The following PHF2 variants were observed in gnomAD, a reference collection of about 807,000 sequenced individuals.
PHF2 encodes lysine-specific demethylase PHF2.
PHF2 carries 27 observed loss-of-function variants against 120.5 expected under a neutral mutation model. The observed-to-expected ratio is 0.22, with a 90% CI of 0.17 to 0.31. The LOEUF (loss-of-function observed/expected upper bound fraction) is 0.31. Among genes scored for constraint, PHF2 ranks in the 10% least tolerant of loss-of-function variants. The probability of loss-of-function intolerance (pLI) is 1.00; values close to 1 mark genes in which losing one functional copy is unlikely to be tolerated. For synonymous variants in PHF2, 568 were observed against 592.5 expected (o/e 0.96, Z 0.60); for missense variants, 1,024 against 1,434.8 (o/e 0.71, Z 4.63).
rs754375941 is a variant in PHF2, at chr9:93,653,250, A to G, written c.674A>G (p.Asp225Gly). 1 of 1,614,134 alleles carries G rather than the reference A, an allele frequency of 6.2e-7. No homozygotes were observed. Among genetic ancestry groups the G allele is most frequent in the Admixed American group, 1.7e-5 (1 of 60,034 alleles). The change falls in exon 6 of 22, where the codon GAT becomes GGT. Residue 225 changes from aspartate (D) to glycine (G), a missense_variant. Asp to Gly is a moderately conservative substitution (Grantham distance 94, BLOSUM62 -1). This residue lies in a region of PHF2 where 347 missense variants were observed against 577.4 expected (regional missense o/e 0.60). Coordinates refer to ENST00000359246, the MANE Select transcript of PHF2 (RefSeq NM_005392.4). The stretch of plus-strand genomic sequence containing the variant: ...TGGGTAGAAAACTACTGGCCAGATG[A>G]TGCATTGCTGGCCAAGCCCAAAGTG... ...LSWVENYWPDDALLAKPKVTK... is the reference protein window; with the variant it reads ...LSWVENYWPDGALLAKPKVTK...
intron 12 of PHF2, 106 bp from the exon 13 acceptor site, chr9:93,662,801 T>G: frequency 1.4e-6 from 2 of 1,382,614 alleles, no homozygotes; most frequent in Non-Finnish European, 1.0e-6. Flanking sequence ...GATGGAGGCT[T>G]GAGCTGCAAG....
intron 3 of PHF2, 63 bp downstream of exon 3, chr9:93,636,588 C>T (rs1208544327): frequency 8.6e-7 from 1 of 1,160,462 alleles, no homozygotes. Flanking sequence ...CTCTCCGTCC[C>T]TTGTCCCGCT....
At chr9:93,675,559 C>T (rs1406210855) in intron 19 of PHF2, 121 bp from the exon 20 acceptor site, 20 of 735,422 alleles carry the variant, frequency 2.7e-5, no homozygotes, top group African/African-American at 3.5e-5. Context: ...CCAGGAATCC[C>T]TGTGCTTAGG....
intron 5 of PHF2, among the ~76,000 whole-genome samples, chr9:93,650,036 A>G (rs1034458401): frequency 2.6e-5 from 4 of 151,466 alleles, no homozygotes; most frequent in Admixed American, 6.6e-5. Flanking sequence ...CCAACACACG[A>G]CACATTCACA....
intron 1 of PHF2, among the ~76,000 whole-genome samples, chr9:93,627,477 T>G (rs977261780): frequency 6.8e-6 from 1 of 146,588 alleles, no homozygotes; most frequent in Non-Finnish European, 1.5e-5. Context: ...CAATTCAGAC[T>G]CCTTTTATTT....
chr9:93,644,184 C>A (rs949072969), intron 3 of PHF2, among the ~76,000 whole-genome samples: 1 of 152,022 alleles, frequency 6.6e-6, no homozygotes, highest in African/African-American at 2.4e-5. Flanking sequence ...GTCAGGAGTT[C>A]GAGACCAGCC....
chr9:93,630,311 T>C (rs1414335900), intron 2 of PHF2, among the ~76,000 whole-genome samples: 1 of 152,246 alleles, frequency 6.6e-6, no homozygotes, highest in Non-Finnish European at 1.5e-5. Context: ...AAGGGCCTTC[T>C]GAGGCCTAGC....
chr9:93,645,606 C>T (rs1488637946), intron 3 of PHF2, 23 bp from the exon 4 acceptor site: 1 of 1,555,264 alleles, frequency 6.4e-7, no homozygotes, highest in South Asian at 1.2e-5. Flanking sequence ...CCAATGTGGC[C>T]TCTGACCTGT....
Position 93,679,145 on chromosome 9 carries a change from G to A in PHF2, c.*1469G>A. The A allele has an allele frequency of 9.5e-6, 4 of 421,868 alleles. No individual in the cohort carries two copies. Among genetic ancestry groups the A allele is most frequent in the South Asian group, 6.8e-5 (4 of 58,550 alleles). 26.1% of individuals were successfully genotyped at this position (421,868 alleles called of 1,614,324 possible). On this transcript the variant is annotated 3_prime_UTR_variant, in exon 22 of 22. Transcript: ENST00000359246. The stretch of plus-strand genomic sequence containing the variant: ...TTAATGTTTGTAGCTTTTTATATTT[G>A]TACATTTCTTATGAGCTTTGTTTAT...
chr9:93,630,211 C>A (rs1414354231), intron 2 of PHF2, among the ~76,000 whole-genome samples, 156 bp downstream of exon 2: 1 of 152,186 alleles, frequency 6.6e-6, no homozygotes, highest in African/African-American at 2.4e-5. Context: ...ACCCTGCCAG[C>A]CTAGCTTACT....
chr9:93,623,776 A>G (rs890886980), intron 1 of PHF2, among the ~76,000 whole-genome samples: 2 of 152,194 alleles, frequency 1.3e-5, no homozygotes, highest in African/African-American at 4.8e-5. Context: ...GTATTCTAAG[A>G]TAGAGTGAAC....
intron 1 of PHF2, among the ~76,000 whole-genome samples, chr9:93,607,973 TGA>T (rs1209427517): frequency 3.6e-5 from 3 of 82,572 alleles, no homozygotes; most frequent in Non-Finnish European, 8.0e-5. Flanking sequence ...GGGAAAGAGA[TGA>T]GAGAGAGACG....
chr9:93,653,535 G>A (rs1470070543), intron 6 of PHF2, among the ~76,000 whole-genome samples, 170 bp downstream of exon 6: 1 of 152,234 alleles, frequency 6.6e-6, no homozygotes, highest in African/African-American at 2.4e-5. Context: ...GGGTGGAGGG[G>A]CAGGGGTGCA....
chr9:93,584,269 T>C (rs1862992862), intron 1 of PHF2, among the ~76,000 whole-genome samples: 1 of 152,216 alleles, frequency 6.6e-6, no homozygotes, highest in African/African-American at 2.4e-5. Flanking sequence ...CTTTTTTGTT[T>C]TGTTGCTTGT....
chr9:93,658,345 C>T, intron 10 of PHF2, 109 bp downstream of exon 10: 1 of 877,710 alleles, frequency 1.1e-6, no homozygotes, highest in Non-Finnish European at 1.8e-6. Flanking sequence ...TCAGTGAGAT[C>T]CAGCCTGGGA....
rs373689715 is a variant in PHF2 at position 93,624,260 on chromosome 9, A to C, written c.99-5710A>C. 1.5e-4 allele frequency among the ~76,000 whole-genome samples: 23 copies of C among 152,268 alleles called. 1 individual carries two copies. The East Asian group carries it at 2.5e-3, about 17-fold the overall frequency. On this transcript the variant is annotated intron_variant, in intron 1 of 21. Coordinates refer to ENST00000359246, the MANE Select transcript of PHF2 (RefSeq NM_005392.4). ...AGAGTTAGTGATGATGGAGTTTGTGATGGTGTTGATGGTGATGGTGATGGT... is the reference window on the plus strand; with the variant it reads ...AGAGTTAGTGATGATGGAGTTTGTGCTGGTGTTGATGGTGATGGTGATGGT...
In PHF2 at chr9:93,625,196, CAT is replaced by C. The variant is rs547808773; in HGVS notation, c.99-4771_99-4770del. On this transcript the variant is annotated intron_variant, in intron 1 of 21. Coordinates refer to ENST00000359246, the MANE Select transcript of PHF2 (RefSeq NM_005392.4). ...TCTCCATGGATATACCTATTGTAAACATATTATCATTTCATGTGAGTGGAATC... is the reference window on the plus strand; with the variant it reads ...TCTCCATGGATATACCTATTGTAAACATTATCATTTCATGTGAGTGGAATC... Among the ~76,000 whole-genome samples the C allele has an allele frequency of 2.9e-4, 44 of 152,320 alleles. No homozygotes were observed. The South Asian group carries it at 7.7e-3, about 27-fold the overall frequency.
At chr9:93,675,339 C>T (rs890628102) in intron 19 of PHF2, among the ~76,000 whole-genome samples, 3 of 152,240 alleles carry the variant, frequency 2.0e-5, no homozygotes, top group Admixed American at 1.3e-4. Flanking sequence ...ACCTTTGTAC[C>T]GGAGGCACCC....
At chr9:93,591,496 C>G (rs1020289987) in intron 1 of PHF2, among the ~76,000 whole-genome samples, 1 of 152,190 alleles carries the variant, frequency 6.6e-6, no homozygotes, top group Non-Finnish European at 1.5e-5. Context: ...AGGGAGCAAG[C>G]CTCTTTTCAC....
Sources: allele counts gnomAD v4.1 joint callset (sites outside exome capture counted in the v4.1 genomes callset), GRCh38; gene constraint gnomAD v4.1.1; regional missense constraint gnomAD v4.1.1; transcripts MANE v1.5; gene names NCBI Gene and HGNC (gene_info 2026-07-23, HGNC 2026-07-21).